Variants in SNRPN observed in about 807,000 individuals in gnomAD.
SNRPN encodes small nuclear ribonucleoprotein polypeptide N.
In SNRPN, 7 loss-of-function variants were observed where a neutral mutation model predicts 25.2. The ratio of observed to expected loss-of-function variants is 0.28; its 90% CI spans 0.16 to 0.52. The LOEUF is 0.52. Among genes scored for constraint, SNRPN ranks in the 20% least tolerant of loss-of-function variants. The probability of loss-of-function intolerance (pLI) is 0.96; values close to 1 mark genes in which losing one functional copy is unlikely to be tolerated. For missense variants in SNRPN, 196 were observed against 322.5 expected (o/e 0.61, Z 3.00); for synonymous variants, 124 against 110.6 (o/e 1.12, Z -0.76).
intron 1 of SNRPN, among the ~76,000 whole-genome samples, chr15:24,858,300 G>A (rs1413622602): frequency 6.6e-6 from 1 of 152,264 alleles, no homozygotes; most frequent in Non-Finnish European, 1.5e-5. Flanking sequence ...AGTTCGCGGG[G>A]AATGAACAAG....
chr15:24,975,734 G>A (rs988304207), intron 5 of SNRPN, among the ~76,000 whole-genome samples: 1 of 152,194 alleles, frequency 6.6e-6, no homozygotes, highest in Admixed American at 6.5e-5. Context: ...GGGAGTAAAA[G>A]TATATGCTAT....
Position 24,848,211 on chromosome 15 carries a change from C to T in SNRPN, c.-579+18306C>T, listed in dbSNP as rs1237260236. ...GCTGTGGGAAGGTCACAGGACGGAG[C>T]TGGGGGGCGGGGGCGGCGGTGGGGG... is the stretch of plus-strand genomic sequence containing the variant. On this transcript the variant is annotated intron_variant, in intron 2 of 12. Transcript: ENST00000400100. The T allele has an allele frequency of 1.2e-4, 5 of 43,120 alleles. No homozygotes were observed. The Admixed American group carries it at 1.3e-3, about 11-fold the overall frequency. The allele number at this position is 43,120 out of a possible 1,614,324, so 2.7% of individuals were successfully genotyped here.
At chr15:24,831,892 A>G (rs1443209472) in intron 2 of SNRPN, among the ~76,000 whole-genome samples, 3 of 152,008 alleles carry the variant, frequency 2.0e-5, no homozygotes, top group Admixed American at 1.3e-4. Context: ...ACTTAGGTTG[A>G]TCCCATATTT....
chr15:24,867,565 A>G (rs960557943), intron 1 of SNRPN, among the ~76,000 whole-genome samples: 4 of 152,008 alleles, frequency 2.6e-5, no homozygotes, highest in Non-Finnish European at 4.4e-5. Context: ...TAGTAGAGAC[A>G]GGGTTTCACC....
At chr15:24,969,050 T>G (rs2153597956) in intron 3 of SNRPN, among the ~76,000 whole-genome samples, 1 of 152,316 alleles carries the variant, frequency 6.6e-6, no homozygotes, top group Non-Finnish European at 1.5e-5. Context: ...CTTCTAGCCT[T>G]TTTTTAAGTC....
At chr15:24,930,399 T>C (rs562906475) in intron 3 of SNRPN, among the ~76,000 whole-genome samples, 2 of 151,766 alleles carry the variant, frequency 1.3e-5, no homozygotes, top group African/African-American at 4.8e-5. Context: ...TGTCCTTAAA[T>C]TCTCAGAATA....
intron 3 of SNRPN, among the ~76,000 whole-genome samples, chr15:24,931,572 C>T (rs956690755): frequency 1.3e-5 from 2 of 151,402 alleles, no homozygotes; most frequent in African/African-American, 4.9e-5. Context: ...GGGTGCCACA[C>T]GCTTGTAATC....
chr15:24,918,563 AAT>A lies in SNRPN; in HGVS notation c.-504-1441_-504-1440del, dbSNP rs1394886398. On this transcript the variant is annotated intron_variant, in intron 2 of 11. Coordinates refer to the SNRPN transcript ENST00000400097. ...ATATATATGTGTGTATATATAACAT[AAT>A]ATATATGTATATATATAACATAATA... Among the ~76,000 whole-genome samples the A allele has an allele frequency of 5.4e-3, 479 of 89,468 alleles. 34 individuals carry two copies. The highest frequency in any genetic ancestry group is 0.017 in the African/African-American group (427 of 25,142). 58.7% of individuals were successfully genotyped at this position (89,468 alleles called of 152,430 possible). A position where few individuals can be genotyped will look rare whatever the true frequency, so the allele number is the denominator to read the frequency against.
At chr15:24,974,128 G>T (rs1280342551) in intron 3 of SNRPN, among the ~76,000 whole-genome samples, 183 bp from the exon 4 acceptor site, 1 of 152,194 alleles carries the variant, frequency 6.6e-6, no homozygotes, top group Non-Finnish European at 1.5e-5. Context: ...AGTCCTAAGT[G>T]TGTCAAATGT....
chr15:24,920,345 C>T (rs148155528), intron 3 of SNRPN: 55 of 152,156 alleles, frequency 3.6e-4, no homozygotes, highest in African/African-American at 1.2e-3. Flanking sequence ...TGCTTTTCTC[C>T]GGTTACTTTG....
chr15:24,894,855 A>G (rs573324179), intron 2 of SNRPN, among the ~76,000 whole-genome samples: 1 of 152,306 alleles, frequency 6.6e-6, no homozygotes, highest in African/African-American at 2.4e-5. Flanking sequence ...TCTCGTTGCC[A>G]GAAACTTCTA....
chr15:24,892,213 C>G, intron 2 of SNRPN, among the ~76,000 whole-genome samples: 1 of 152,140 alleles, frequency 6.6e-6, no homozygotes, highest in South Asian at 2.1e-4. Flanking sequence ...TCCTCTTCAG[C>G]CTTGGTACTT....
chr15:24,949,597 G>C (rs974110790), intron 3 of SNRPN, among the ~76,000 whole-genome samples: 1 of 152,098 alleles, frequency 6.6e-6, no homozygotes, highest in Non-Finnish European at 1.5e-5. Flanking sequence ...GCTGCAGTAA[G>C]CCATGATTGT....
At chr15:24,923,881 ATGTGTG>A (rs58343685) in intron 3 of SNRPN, among the ~76,000 whole-genome samples, 41 of 106,126 alleles carry the variant, frequency 3.9e-4, no homozygotes, top group South Asian at 7.3e-4. Context: ...AGTGCCGTGT[ATGTGTG>A]TGTGTGTGTG....
intron 3 of SNRPN, among the ~76,000 whole-genome samples, chr15:24,972,541 C>CTTTT (rs755600861): frequency 1.8e-5 from 2 of 112,218 alleles, no homozygotes; most frequent in African/African-American, 6.6e-5. Context: ...TTAGAGTATT[C>CTTTT]TTTTTTTTTT....
At chr15:24,937,290 A>C (rs908932589) in intron 3 of SNRPN, among the ~76,000 whole-genome samples, 2 of 152,260 alleles carry the variant, frequency 1.3e-5, no homozygotes, top group East Asian at 3.9e-4. Context: ...GAAATGTATA[A>C]TTATTGACAC....
chr15:24,921,900 G>A (rs770775351), intron 3 of SNRPN, among the ~76,000 whole-genome samples: 1 of 151,894 alleles, frequency 6.6e-6, no homozygotes, highest in Non-Finnish European at 1.5e-5. Flanking sequence ...TGTTAGTGAC[G>A]ATAAAAATGC....
Position 24,874,344 on chromosome 15 carries a change from CA to C in SNRPN, c.-578-12171del, listed in dbSNP as rs200513291. ...AAAAAAAAAAAAAAAGGCAGAGTGG[CA>C]GACCAAAAACGAGCCATATGTCAAT... On this transcript the variant is annotated intron_variant, in intron 1 of 11. Coordinates refer to the SNRPN transcript ENST00000400097. Among the ~76,000 whole-genome samples the C allele has an allele frequency of 7.7e-3, 1,078 of 140,016 alleles. 11 individuals are homozygous for C. Among genetic ancestry groups the C allele is most frequent in the Middle Eastern group, 0.027 (7 of 258 alleles). 91.9% of individuals were successfully genotyped at this position (140,016 alleles called of 152,430 possible).
At chr15:24,954,211 A>G (rs1178574728), upstream of SNRPN, among the ~76,000 whole-genome samples, 1 of 152,190 alleles carries the variant, frequency 6.6e-6, no homozygotes, top group African/African-American at 2.4e-5. Flanking sequence ...CATTAGTATT[A>G]TATAAAAGTG....
Sources: gnomAD v4.1 joint callset for allele counts (sites outside exome capture counted in the v4.1 genomes callset) on GRCh38, gnomAD v4.1.1 for gene constraint, MANE v1.5 for transcripts, NCBI Gene and HGNC (gene_info 2026-07-23, HGNC 2026-07-21) for gene names.